Variants in KLHL4 observed in about 807,000 individuals in gnomAD.
KLHL4 encodes kelch-like protein 4.
A neutral mutation model predicts 45.8 loss-of-function variants in KLHL4; 17 were observed. The ratio of observed to expected loss-of-function variants is 0.37; its 90% confidence interval spans 0.25 to 0.56. The LOEUF (loss-of-function observed/expected upper bound fraction) is 0.56. Among genes scored for constraint, KLHL4 ranks in the 20% least tolerant of loss-of-function variants. The probability of loss-of-function intolerance (pLI) is 0.79; values close to 1 mark genes in which losing one functional copy is unlikely to be tolerated. For missense variants in KLHL4, 544 were observed against 544.9 expected (o/e 1.00, Z 0.02); for synonymous variants, 224 against 189.9 (o/e 1.18, Z -1.47).
At chrX:87,527,896 A>G (rs1931145647) in intron 1 of KLHL4, among the ~76,000 whole-genome samples, 1 of 110,851 alleles carries the variant, frequency 9.0e-6, no homozygotes, top group Non-Finnish European at 1.9e-5. Flanking sequence ...GCAAGGAAAC[A>G]TAATACATAC....
intron 1 of KLHL4, among the ~76,000 whole-genome samples, chrX:87,605,265 T>C (rs1210820972): frequency 9.0e-6 from 1 of 111,586 alleles, no homozygotes; most frequent in Non-Finnish European, 1.9e-5. Context: ...TGGTTCCATA[T>C]GAATTTTAGG....
At chrX:87,523,247 G>A (rs965032624) in intron 1 of KLHL4, among the ~76,000 whole-genome samples, 3 of 111,301 alleles carry the variant, frequency 2.7e-5, no homozygotes, top group Non-Finnish European at 5.6e-5. Flanking sequence ...TGCTAATCTT[G>A]TTGATGCCTT....
intron 1 of KLHL4, among the ~76,000 whole-genome samples, chrX:87,531,130 A>C (rs750888988): frequency 0.012 from 1,281 of 109,683 alleles, 9 homozygotes; most frequent in Non-Finnish European, 0.019. Context: ...TTTTTCTTGT[A>C]AATTTGTTTG....
chrX:87,617,410 AGCTTAAT>A (rs1168893870), intron 3 of KLHL4, among the ~76,000 whole-genome samples: 1 of 110,889 alleles, frequency 9.0e-6, no homozygotes, highest in Non-Finnish European at 1.9e-5. Flanking sequence ...CGGACAATTA[AGCTTAAT>A]GCTTTTTTTA....
chrX:87,642,980 G>A (rs1258628626), intron 9 of KLHL4, among the ~76,000 whole-genome samples: 1 of 111,784 alleles, frequency 8.9e-6, no homozygotes, highest in Non-Finnish European at 1.9e-5. Flanking sequence ...ATATTTGGGT[G>A]AATAATTGAG....
chrX:87,530,113 G>T (rs1423265671), intron 1 of KLHL4, among the ~76,000 whole-genome samples: 1 of 110,843 alleles, frequency 9.0e-6, no homozygotes, highest in Non-Finnish European at 1.9e-5. Flanking sequence ...CTGTGCAGAA[G>T]CTCTTTAGTT....
At chrX:87,656,382 T>A (rs763679260) in intron 9 of KLHL4, among the ~76,000 whole-genome samples, 8 of 110,142 alleles carry the variant, frequency 7.3e-5, no homozygotes, top group Non-Finnish European at 1.5e-4. Context: ...CACTTTTTAA[T>A]TCTATTTTTT....
At chrX:87,521,337 A>G (rs922646228) in intron 1 of KLHL4, among the ~76,000 whole-genome samples, 6 of 111,805 alleles carry the variant, frequency 5.4e-5, no homozygotes, top group Non-Finnish European at 1.9e-5. Context: ...TTGGATGAAT[A>G]AGACTTAGAA....
intron 1 of KLHL4, among the ~76,000 whole-genome samples, chrX:87,531,518 A>G (rs951979246): frequency 9.2e-6 from 1 of 109,116 alleles, no homozygotes; most frequent in Admixed American, 1.0e-4. Flanking sequence ...AGGGTATTCA[A>G]TTAGGAAAAG....
At chrX:87,632,091 T>G in intron 6 of KLHL4, 119 bp from the exon 7 acceptor site, 1 of 442,610 alleles carries the variant, frequency 2.3e-6, no homozygotes, top group South Asian at 4.9e-5. Flanking sequence ...TTACTTAATT[T>G]GAATTGTAAT....
intron 1 of KLHL4, among the ~76,000 whole-genome samples, chrX:87,578,933 T>C (rs1207312254): frequency 9.1e-6 from 1 of 110,466 alleles, no homozygotes; most frequent in Non-Finnish European, 1.9e-5. Flanking sequence ...GAGAGAGGAG[T>C]GAAGTGTGCC....
At chrX:87,596,672 C>T (rs1237952115) in intron 1 of KLHL4, among the ~76,000 whole-genome samples, 3 of 111,967 alleles carry the variant, frequency 2.7e-5, no homozygotes, top group Non-Finnish European at 5.6e-5. Context: ...CAGTTCCTTT[C>T]TAACTGAGCT....
chrX:87,598,214 G>A (rs188797202), intron 1 of KLHL4, among the ~76,000 whole-genome samples: 1,931 of 110,114 alleles, frequency 0.018, 15 homozygotes, highest in Middle Eastern at 0.057. Context: ...GTTATATTTT[G>A]GTATGTAAAA....
In KLHL4 at chrX:87,592,679, T is replaced by G. The variant is rs754451054; in HGVS notation, c.423-21198T>G. On this transcript the variant is annotated intron_variant, in intron 1 of 10. Transcript: ENST00000373119. ...CAAATGATCAATGATTTTGAGCACT[T>G]TTTCACATACCCCTCTGCCCTTTGT... 5.1e-4 allele frequency among the ~76,000 whole-genome samples: 57 copies of G among 112,438 alleles called. 1 individual carries two copies. The highest frequency in any genetic ancestry group is 2.5e-3 in the Admixed American group (26 of 10,597).
At chrX:87,618,150 G>A (rs2147816041) in intron 4 of KLHL4, 22 bp downstream of exon 4, 1 of 1,087,586 alleles carries the variant, frequency 9.2e-7, no homozygotes, top group Non-Finnish European at 1.2e-6. Context: ...TGCTTCAACT[G>A]AACTTGTAGT....
chrX:87,666,603 A>G lies in KLHL4; in HGVS notation c.*69A>G. 9.4e-7 allele frequency: 1 copy of G among 1,062,655 alleles called. No homozygotes were observed. 87.6% of individuals were successfully genotyped at this position (1,062,655 alleles called of 1,213,427 possible). On this transcript the variant is annotated 3_prime_UTR_variant, in exon 11 of 11. Coordinates refer to ENST00000373119, the MANE Select transcript of KLHL4 (RefSeq NM_019117.5). The stretch of plus-strand genomic sequence containing the variant: ...AGAAACTGAGTAGGACAAAGGGAGA[A>G]AGAAATACATGTTCTTTTTCCTGCA...
At position 87,668,494 on chromosome X, in the gene KLHL4, G is replaced by A. The variant is rs929405802; in HGVS notation, c.*1960G>A. On this transcript the variant is annotated 3_prime_UTR_variant, in exon 11 of 11. Coordinates refer to ENST00000373119, the MANE Select transcript of KLHL4 (RefSeq NM_019117.5). Reference sequence around the variant, plus strand: ...CCCTTCATAGCTGCATTTAAAAATGGTGTTCAGGCCACTATGGCTGCTGTG... The same window carrying A: ...CCCTTCATAGCTGCATTTAAAAATGATGTTCAGGCCACTATGGCTGCTGTG... 1.3e-6 allele frequency: 1 copy of A among 750,977 alleles called. No homozygotes were observed. The highest frequency in any genetic ancestry group is 6.8e-5 in the South Asian group (1 of 14,632). 61.9% of individuals were successfully genotyped at this position (750,977 alleles called of 1,213,427 possible).
chrX:87,563,004 A>T (rs747589997), intron 1 of KLHL4, among the ~76,000 whole-genome samples: 39 of 111,193 alleles, frequency 3.5e-4, no homozygotes, highest in Non-Finnish European at 4.9e-4. Flanking sequence ...CCTGATTTTA[A>T]CCAAGACCAC....
intron 1 of KLHL4, among the ~76,000 whole-genome samples, chrX:87,569,727 T>C (rs562139440): frequency 5.9e-4 from 66 of 111,539 alleles, no homozygotes; most frequent in African/African-American, 2.0e-3. Flanking sequence ...ATACAAAAGG[T>C]CACATGTTGT....
Sources: gnomAD v4.1 joint callset for allele counts (sites outside exome capture counted in the v4.1 genomes callset) on GRCh38, gnomAD v4.1.1 for gene constraint, MANE v1.5 for transcripts, NCBI Gene and HGNC (gene_info 2026-07-23, HGNC 2026-07-21) for gene names.